Variants in SPRR2G observed in about 807,000 individuals in gnomAD.
The protein encoded by SPRR2G is small proline rich protein 2G.
A neutral mutation model predicts 0.7 loss-of-function variants in SPRR2G; 1 was observed. The ratio of observed to expected loss-of-function variants is 1.49; its 90% confidence interval spans 0.53 to 7.06. The LOEUF is 7.06. Among genes scored for constraint, SPRR2G ranks in the 30% most tolerant of loss-of-function variants. The pLI is 0.14. For synonymous variants in SPRR2G, 38 were observed against 33.9 expected (o/e 1.12, Z -0.42); for missense variants, 96 against 88.5 (o/e 1.09, Z -0.34).
At chr1:153,184,311 G>A in the SPRR2G span, among the ~76,000 whole-genome samples, 2 of 151,998 alleles carry the variant, frequency 1.3e-5, no homozygotes, top group South Asian at 4.1e-4. Flanking sequence ...ACTTTAGGCA[G>A]TATGGCCATT....
the SPRR2G span, among the ~76,000 whole-genome samples, chr1:153,169,682 C>T: frequency 6.6e-6 from 1 of 152,192 alleles, no homozygotes; most frequent in South Asian, 2.1e-4. Flanking sequence ...AAAACTTCAG[C>T]CTTCCATCAT....
At chr1:153,181,823 T>C in the SPRR2G span, among the ~76,000 whole-genome samples, 1 of 152,052 alleles carries the variant, frequency 6.6e-6, no homozygotes, top group African/African-American at 2.4e-5. Context: ...CATTCATCTG[T>C]TGATGGACTC....
the SPRR2G span, among the ~76,000 whole-genome samples, chr1:153,157,624 G>C: frequency 2.6e-5 from 4 of 151,978 alleles, no homozygotes; most frequent in East Asian, 5.8e-4. Context: ...TTTCCCTGTG[G>C]GTTTTTTTTT....
chr1:153,160,444 T>C, the SPRR2G span, among the ~76,000 whole-genome samples: 2 of 152,230 alleles, frequency 1.3e-5, no homozygotes, highest in South Asian at 2.1e-4. Context: ...ATTACTGAAT[T>C]ATTTTTAATT....
At chr1:153,200,875 T>C in the SPRR2G span, among the ~76,000 whole-genome samples, 4 of 152,044 alleles carry the variant, frequency 2.6e-5, no homozygotes, top group African/African-American at 9.7e-5. Context: ...AATTTGCTAA[T>C]TTTTGTATTT....
the SPRR2G span, among the ~76,000 whole-genome samples, chr1:153,188,673 G>C: frequency 6.6e-6 from 1 of 152,126 alleles, no homozygotes; most frequent in Non-Finnish European, 1.5e-5. Context: ...CCCTTTCCAG[G>C]AGAGTGAACA....
At chr1:153,191,827 T>C in the SPRR2G span, among the ~76,000 whole-genome samples, 1 of 152,174 alleles carries the variant, frequency 6.6e-6, no homozygotes, top group African/African-American at 2.4e-5. Flanking sequence ...GACATTCTCC[T>C]TGGTCTCAGC....
the SPRR2G span, among the ~76,000 whole-genome samples, chr1:153,165,630 AG>A: frequency 1.3e-5 from 2 of 152,176 alleles, no homozygotes; most frequent in East Asian, 3.9e-4. Flanking sequence ...CCAGAGGTTA[AG>A]AAAACATATA....
the SPRR2G span, among the ~76,000 whole-genome samples, chr1:153,164,692 A>G: frequency 2.0e-5 from 3 of 152,214 alleles, no homozygotes; most frequent in African/African-American, 4.8e-5. Flanking sequence ...ATTCCTAAAC[A>G]TCACTTCATT....
chr1:153,166,426 T>G, the SPRR2G span, among the ~76,000 whole-genome samples: 1 of 152,216 alleles, frequency 6.6e-6, no homozygotes, highest in Non-Finnish European at 1.5e-5. Flanking sequence ...GAACCCCATG[T>G]GAAAATCTGG....
chr1:153,182,305 T>C, the SPRR2G span, among the ~76,000 whole-genome samples: 1 of 152,116 alleles, frequency 6.6e-6, no homozygotes, highest in Non-Finnish European at 1.5e-5. Flanking sequence ...ATACCCAAAA[T>C]ATAATACTTA....
At chr1:153,202,628 C>T in the SPRR2G span, among the ~76,000 whole-genome samples, 1 of 152,200 alleles carries the variant, frequency 6.6e-6, no homozygotes, top group African/African-American at 2.4e-5. Context: ...TGCCTTCCTT[C>T]AGATGTGGAG....
the SPRR2G span, among the ~76,000 whole-genome samples, chr1:153,179,010 G>C: frequency 6.6e-6 from 1 of 152,178 alleles, no homozygotes; most frequent in South Asian, 2.1e-4. Context: ...AGTTGGAAAT[G>C]TACTTCAGAG....
At chr1:153,166,927 A>AG in the SPRR2G span, among the ~76,000 whole-genome samples, 1 of 152,034 alleles carries the variant, frequency 6.6e-6, no homozygotes, top group African/African-American at 2.4e-5. Context: ...AAAAGTGTTT[A>AG]GGAAAAAAAA....
the SPRR2G span, among the ~76,000 whole-genome samples, chr1:153,196,484 A>G: frequency 6.6e-6 from 1 of 152,216 alleles, no homozygotes; most frequent in Non-Finnish European, 1.5e-5. Context: ...TTATTTTCAC[A>G]TCTTAGCTAA....
chr1:153,180,067 G>A, the SPRR2G span, among the ~76,000 whole-genome samples: 3 of 152,036 alleles, frequency 2.0e-5, no homozygotes, highest in African/African-American at 4.8e-5. Flanking sequence ...CATTCTGGTG[G>A]CTTCCTTCCC....
the SPRR2G span, among the ~76,000 whole-genome samples, chr1:153,193,469 C>A: frequency 6.6e-6 from 1 of 152,218 alleles, no homozygotes; most frequent in African/African-American, 2.4e-5. Flanking sequence ...CACACACATG[C>A]ACACATGAGG....
chr1:153,159,638 C>T, the SPRR2G span, among the ~76,000 whole-genome samples: 1 of 152,112 alleles, frequency 6.6e-6, no homozygotes, highest in African/African-American at 2.4e-5. Context: ...AAGATACTAC[C>T]TGAAACTGGG....
the SPRR2G span, among the ~76,000 whole-genome samples, chr1:153,199,647 C>A: frequency 6.6e-6 from 1 of 152,104 alleles, no homozygotes; most frequent in African/African-American, 2.4e-5. Flanking sequence ...TTCCTTCCTG[C>A]AGTAGTACCA....
Sources: allele counts gnomAD v4.1 joint callset (sites outside exome capture counted in the v4.1 genomes callset), GRCh38; gene constraint gnomAD v4.1.1; transcripts MANE v1.5; gene names NCBI Gene and HGNC (gene_info 2026-07-23, HGNC 2026-07-21).